The following VPS13D variants were observed in gnomAD, a reference collection of about 807,000 sequenced individuals.
VPS13D encodes the protein intermembrane lipid transfer protein VPS13D.
A neutral mutation model predicts 461.9 loss-of-function variants in VPS13D; 187 were observed. The ratio of observed to expected loss-of-function variants is 0.40; its 90% CI spans 0.36 to 0.46. VPS13D has a LOEUF of 0.46. Ranked by LOEUF, VPS13D falls within the 20% of genes least tolerant of loss-of-function variation. The probability of loss-of-function intolerance (pLI) is 0.60; values close to 1 mark genes in which losing one functional copy is unlikely to be tolerated. For synonymous variants in VPS13D, 1,951 were observed against 1,986.3 expected (o/e 0.98, Z 0.47); for missense variants, 4,711 against 5,364.9 (o/e 0.88, Z 3.81).
intron 7 of VPS13D, among the ~76,000 whole-genome samples, chr1:12,254,584 C>T (rs1468629780): frequency 1.4e-4 from 17 of 121,432 alleles, no homozygotes; most frequent in African/African-American, 3.5e-4. Context: ...AGTGCAGTGG[C>T]GTAATCTTGG....
At chr1:12,494,158 A>C (rs971671009) in intron 67 of VPS13D, among the ~76,000 whole-genome samples, 3 of 152,188 alleles carry the variant, frequency 2.0e-5, no homozygotes, top group African/African-American at 7.2e-5. Flanking sequence ...ACTGAATCCA[A>C]CCTTGCCCTT....
intron 35 of VPS13D, among the ~76,000 whole-genome samples, chr1:12,326,321 A>AT (rs763042688): frequency 0.021 from 1,019 of 49,218 alleles, 13 homozygotes; most frequent in African/African-American, 0.051. Context: ...AACCTTTTGG[A>AT]TTTTTTTTTT....
chr1:12,481,050 C>G (rs1645708608), intron 67 of VPS13D, among the ~76,000 whole-genome samples: 2 of 152,200 alleles, frequency 1.3e-5, no homozygotes, highest in African/African-American at 4.8e-5. Context: ...CCTTTTGCCC[C>G]CAGGTCCAGA....
chr1:12,322,769 C>T, intron 34 of VPS13D, 23 bp downstream of exon 34: 1 of 1,606,190 alleles, frequency 6.2e-7, no homozygotes, highest in Non-Finnish European at 8.5e-7. Context: ...CTATAAAACC[C>T]ACTCAGTCTT....
chr1:12,382,937 C>G (rs753029893), intron 57 of VPS13D, 39 bp from the exon 58 acceptor site: 11 of 1,579,142 alleles, frequency 7.0e-6, no homozygotes, highest in South Asian at 1.2e-5. Context: ...GTCAGTGCCT[C>G]TGTCTTTTCT....
chr1:12,446,165 C>T (rs1645189866), intron 65 of VPS13D, among the ~76,000 whole-genome samples: 1 of 152,082 alleles, frequency 6.6e-6, no homozygotes. Context: ...ACCTGTAATC[C>T]CAGAACTTTG....
intron 46 of VPS13D, among the ~76,000 whole-genome samples, chr1:12,351,302 T>C (rs927932205): frequency 3.9e-5 from 6 of 152,220 alleles, no homozygotes; most frequent in South Asian, 4.1e-4. Flanking sequence ...TTTTCTTGTT[T>C]TTTTTGAGGT....
At chr1:12,300,293 C>T (rs1362436785) in intron 25 of VPS13D, among the ~76,000 whole-genome samples, 2 of 150,886 alleles carry the variant, frequency 1.3e-5, no homozygotes, top group East Asian at 3.9e-4. Context: ...CTGTGACCTC[C>T]GTCTCCTGGG....
rs1012772375 is a variant in VPS13D, at chr1:12,511,893, A to T, written c.*2869A>T. 1 of 152,232 alleles carries T rather than the reference A, an allele frequency of 6.6e-6. No homozygotes were observed. The highest frequency in any genetic ancestry group is 2.4e-5 in the African/African-American group (1 of 41,458). The allele number at this position is 152,232 out of a possible 1,614,324, so 9.4% of individuals were successfully genotyped here. On this transcript the variant is annotated 3_prime_UTR_variant, in exon 70 of 70. Transcript: ENST00000620676. The surrounding 1 kb of genome is among the most constrained non-coding windows in gnomAD (Gnocchi z 4.5). ...AGTATGATCTGGGCCTCAAAATACCATAGTAGCTGCTTGATAAAATTCTAA... is the reference window on the plus strand; with the variant it reads ...AGTATGATCTGGGCCTCAAAATACCTTAGTAGCTGCTTGATAAAATTCTAA...
chr1:12,383,090 A>G lies in VPS13D; in HGVS notation c.11305A>G (p.Met3769Val), dbSNP rs1241288660. 8.1e-6 allele frequency: 13 copies of G among 1,614,052 alleles called. No individual in the cohort carries two copies. The highest frequency in any genetic ancestry group is 1.6e-4 in the Middle Eastern group (1 of 6,084). Residue 3769 changes from methionine (M) to valine (V), a missense_variant, in exon 58 of 70, where the codon ATG (methionine) becomes GTG (valine). Physicochemically the swap from Met to Val is conservative, Grantham distance 21 (BLOSUM62 1). Coordinates refer to ENST00000620676, the MANE Select transcript of VPS13D (RefSeq NM_015378.4). ...PPEQQFINQKMRPGSGMLSIR... is the reference protein window; with the variant it reads ...PPEQQFINQKVRPGSGMLSIR... ...TGAACAACAATTTATTAATCAAAAA[A>G]TGAGACCTGGTTCTGGAATGTTATC...
At chr1:12,257,598 T>C (rs567550689) in intron 9 of VPS13D, among the ~76,000 whole-genome samples, 56 of 152,252 alleles carry the variant, frequency 3.7e-4, no homozygotes, top group Non-Finnish European at 6.5e-4. Flanking sequence ...TAAAAATCTT[T>C]AGTAGTCAAA....
At chr1:12,309,621 G>A (rs1369782890) in intron 27 of VPS13D, among the ~76,000 whole-genome samples, 1 of 151,598 alleles carries the variant, frequency 6.6e-6, no homozygotes, top group Admixed American at 6.6e-5. Flanking sequence ...AATTAGCCAG[G>A]CATGGTGGCG....
rs1471536833 is a variant in VPS13D at position 12,271,070 on chromosome 1, G to A, written c.2049G>A (p.Gln683=). The A allele has an allele frequency of 6.2e-7, 1 of 1,613,936 alleles. No individual in the cohort carries two copies. Among genetic ancestry groups the A allele is most frequent in the Non-Finnish European group, 8.5e-7 (1 of 1,179,992 alleles). ...ARRQYNKLKM[Q]TKAEIRQTLD... ...GACAATATAACAAGCTGAAGATGCA[G>A]ACCAAGGCAGAAATCCGGCAAACTC... The change falls in exon 17 of 70, where the codon CAG becomes CAA. Residue 683 remains glutamine (Q), a synonymous_variant. Transcript: ENST00000620676.
intron 37 of VPS13D, among the ~76,000 whole-genome samples, chr1:12,331,383 G>C (rs1450930030): frequency 6.6e-6 from 1 of 152,096 alleles, no homozygotes; most frequent in Non-Finnish European, 1.5e-5. Context: ...CATTTTCCCT[G>C]TGTACCAGAC....
intron 56 of VPS13D, 49 bp downstream of exon 56, chr1:12,378,640 G>A (rs367621376): frequency 3.8e-5 from 55 of 1,443,556 alleles, no homozygotes; most frequent in Non-Finnish European, 5.0e-5. Flanking sequence ...TTCAAATTCA[G>A]ACTCAGAGGA....
chr1:12,403,814 C>T lies in VPS13D; in HGVS notation c.11882-11C>T. ...TTCTTTTTTGTTTTTTTAATTCTTC[C>T]TTTGTACCAGAGGTGGAAAAATATG... On this transcript the variant is annotated splice_polypyrimidine_tract_variant and intron_variant, in intron 62 of 69. Transcript: ENST00000620676. The T allele has an allele frequency of 1.3e-6, 2 of 1,568,444 alleles. No homozygotes were observed. The highest frequency in any genetic ancestry group is 1.7e-6 in the Non-Finnish European group (2 of 1,160,820).
At chr1:12,494,259 TAGTC>T (rs1283206462) in intron 67 of VPS13D, among the ~76,000 whole-genome samples, 5 of 152,222 alleles carry the variant, frequency 3.3e-5, no homozygotes, top group Non-Finnish European at 5.9e-5. Context: ...AACATAATGA[TAGTC>T]AGTGTGTATC....
chr1:12,438,539 T>C (rs998399589), intron 65 of VPS13D, among the ~76,000 whole-genome samples: 2 of 152,218 alleles, frequency 1.3e-5, no homozygotes, highest in Non-Finnish European at 2.9e-5. Flanking sequence ...AAAATTTTCT[T>C]GAGTTTTTAC....
intron 65 of VPS13D, among the ~76,000 whole-genome samples, chr1:12,444,210 T>C (rs1392796928): frequency 6.6e-6 from 1 of 152,244 alleles, no homozygotes; most frequent in East Asian, 1.9e-4. Flanking sequence ...TTCAGTCTTT[T>C]ATGATATCAT....
Sources: gnomAD v4.1 joint callset for allele counts (sites outside exome capture counted in the v4.1 genomes callset) on GRCh38, gnomAD v4.1.1 for gene constraint, Gnocchi (gnomAD v3.1) non-coding constraint, MANE v1.5 for transcripts, NCBI Gene and HGNC (gene_info 2026-07-23, HGNC 2026-07-21) for gene names.